GRIK1: variants seen among roughly 807,000 people sequenced by gnomAD.
GRIK1 encodes the protein glutamate ionotropic receptor kainate type subunit 1, also known as glutamate receptor ionotropic, kainate 1.
GRIK1 carries 69 observed loss-of-function variants against 105.7 expected under a neutral mutation model. The ratio of observed to expected loss-of-function variants is 0.65; its 90% CI spans 0.54 to 0.80. The LOEUF is 0.80. Ranked by LOEUF, GRIK1 falls within the 30% of genes least tolerant of loss-of-function variation. The probability of loss-of-function intolerance (pLI) is 0.00; values close to 1 mark genes in which losing one functional copy is unlikely to be tolerated. For synonymous variants in GRIK1, 438 were observed against 431.3 expected, an observed-to-expected ratio of 1.02 and a Z score of -0.19; for missense variants, 1,109 against 1,167.3, an observed-to-expected ratio of 0.95 and a Z score of 0.73.
At chr21:29,601,560 C>T (rs1478797891) in intron 7 of GRIK1, among the ~76,000 whole-genome samples, 1 of 152,220 alleles carries the variant, frequency 6.6e-6, no homozygotes, top group Non-Finnish European at 1.5e-5. Flanking sequence ...GGCCTGGGCT[C>T]TCCAGCCTCT....
intron 7 of GRIK1, among the ~76,000 whole-genome samples, chr21:29,613,977 A>G (rs894170884): frequency 9.2e-5 from 14 of 152,198 alleles, no homozygotes; most frequent in Non-Finnish European, 2.9e-5. Context: ...CCTGAAAAAA[A>G]TAGGTTTGCC....
chr21:29,786,494 C>T (rs1382325669), intron 1 of GRIK1, among the ~76,000 whole-genome samples: 2 of 152,150 alleles, frequency 1.3e-5, no homozygotes, highest in Non-Finnish European at 2.9e-5. Context: ...ATTCTAAATT[C>T]TATTACTGTA....
intron 7 of GRIK1, among the ~76,000 whole-genome samples, chr21:29,636,567 T>C (rs1180066799): frequency 6.6e-6 from 1 of 152,198 alleles, no homozygotes; most frequent in Non-Finnish European, 1.5e-5. Flanking sequence ...AATCACCAAG[T>C]GGAAATTTCC....
At chr21:29,901,294 G>T (rs954584439) in intron 1 of GRIK1, among the ~76,000 whole-genome samples, 1 of 152,016 alleles carries the variant, frequency 6.6e-6, no homozygotes, top group African/African-American at 2.4e-5. Context: ...AAATAACTAA[G>T]ATCAGAGCAG....
chr21:29,539,403 T>C (rs2089934319), intron 16 of GRIK1, among the ~76,000 whole-genome samples: 1 of 152,216 alleles, frequency 6.6e-6, no homozygotes, highest in Admixed American at 6.5e-5. Context: ...GTGTTGACTC[T>C]GTCATATAAT....
intron 7 of GRIK1, among the ~76,000 whole-genome samples, chr21:29,602,308 C>T (rs1219429210): frequency 6.6e-6 from 1 of 152,164 alleles, no homozygotes; most frequent in African/African-American, 2.4e-5. Context: ...CAATGTAAAA[C>T]ATATTACTAT....
chr21:29,927,428 C>T (rs2047144450), intron 1 of GRIK1, among the ~76,000 whole-genome samples: 1 of 149,868 alleles, frequency 6.7e-6, no homozygotes, highest in Non-Finnish European at 1.5e-5. Flanking sequence ...GTTTTATATT[C>T]AGTATTTTGG....
chr21:29,555,382 T>A (rs2090226150), intron 15 of GRIK1, 80 bp from the exon 16 acceptor site: 2 of 1,329,002 alleles, frequency 1.5e-6, no homozygotes, highest in Non-Finnish European at 2.1e-6. Context: ...ATCATCTTTG[T>A]CATAACTATG....
At chr21:29,936,281 C>T (rs1283044974) in intron 1 of GRIK1, among the ~76,000 whole-genome samples, 3 of 152,160 alleles carry the variant, frequency 2.0e-5, no homozygotes, top group South Asian at 4.1e-4. Flanking sequence ...TGTCTTTCTG[C>T]AATCCTTATT....
At chr21:29,589,661 C>T (rs1280000360) in intron 10 of GRIK1, among the ~76,000 whole-genome samples, 1 of 151,996 alleles carries the variant, frequency 6.6e-6, no homozygotes, top group Non-Finnish European at 1.5e-5. Flanking sequence ...CTCCTGACCT[C>T]GTGATCCACC....
chr21:29,791,075 T>C (rs1009106617), intron 1 of GRIK1, among the ~76,000 whole-genome samples: 4 of 151,834 alleles, frequency 2.6e-5, no homozygotes, highest in Non-Finnish European at 5.9e-5. Flanking sequence ...AGACCAAGAG[T>C]TGGGCATCAT....
intron 1 of GRIK1, among the ~76,000 whole-genome samples, chr21:29,918,782 C>T (rs16985401): frequency 0.035 from 5,312 of 152,014 alleles, 328 homozygotes; most frequent in African/African-American, 0.12. Flanking sequence ...ATACCTGATA[C>T]ACCAACTAAG....
intron 7 of GRIK1, among the ~76,000 whole-genome samples, chr21:29,613,742 G>C (rs2061779874): frequency 6.6e-6 from 1 of 152,148 alleles, no homozygotes. Flanking sequence ...CATTGAGTTA[G>C]TCATTGATGA....
rs78971064 is a variant in GRIK1, at chr21:29,825,547, G to A, written c.118+113836C>T. On this transcript the variant is annotated intron_variant, in intron 1 of 17. Coordinates refer to ENST00000327783, the MANE Select transcript of GRIK1 (RefSeq NM_001330994.2). Reference sequence around the variant, plus strand: ...ATGAATATGTTAATACTATGTAAATGATGTTTTACTGGCTTTCTGGTTAAA... The same window carrying A: ...ATGAATATGTTAATACTATGTAAATAATGTTTTACTGGCTTTCTGGTTAAA... Among the ~76,000 whole-genome samples, 611 of 152,106 alleles carry A rather than the reference G, an allele frequency of 4.0e-3. 3 individuals are homozygous for A. The highest frequency in any genetic ancestry group is 0.013 in the African/African-American group (520 of 41,518).
chr21:29,876,935 C>T (rs189630103), intron 1 of GRIK1, among the ~76,000 whole-genome samples: 87 of 152,198 alleles, frequency 5.7e-4, no homozygotes, highest in Admixed American at 1.6e-3. Flanking sequence ...TGCAAATTAG[C>T]AAGCATTAGC....
chr21:29,770,654 A>G (rs540818512), intron 1 of GRIK1, among the ~76,000 whole-genome samples: 1 of 152,360 alleles, frequency 6.6e-6, no homozygotes, highest in African/African-American at 2.4e-5. Flanking sequence ...GTGCAAACAG[A>G]TAAATATCTT....
intron 3 of GRIK1, among the ~76,000 whole-genome samples, chr21:29,681,595 G>A (rs2063378104): frequency 6.6e-6 from 1 of 152,140 alleles, no homozygotes; most frequent in Admixed American, 6.5e-5. Flanking sequence ...CTTTAATTCT[G>A]CAAACCACAT....
chr21:29,903,382 A>G (rs1439108661), intron 1 of GRIK1, among the ~76,000 whole-genome samples: 1 of 152,216 alleles, frequency 6.6e-6, no homozygotes, highest in Non-Finnish European at 1.5e-5. Context: ...CAATCTATCC[A>G]TCTGACAAAG....
At chr21:29,670,140 GTTC>G (rs2063135877) in intron 4 of GRIK1, among the ~76,000 whole-genome samples, 1 of 152,120 alleles carries the variant, frequency 6.6e-6, no homozygotes, top group Non-Finnish European at 1.5e-5. Context: ...TTAAAAAAGG[GTTC>G]TTATCTCCAA....
Sources: allele counts gnomAD v4.1 joint callset (sites outside exome capture counted in the v4.1 genomes callset), GRCh38; gene constraint gnomAD v4.1.1; transcripts MANE v1.5; gene names NCBI Gene and HGNC (gene_info 2026-07-23, HGNC 2026-07-21).